Variants in ARSB observed in about 807,000 individuals in gnomAD.
ARSB encodes N-acetylgalactosamine-4-sulfatase.
In ARSB, 41 loss-of-function variants were observed where a neutral mutation model predicts 50.9. The observed-to-expected ratio is 0.81, with a 90% CI of 0.63 to 1.04. The LOEUF is 1.04. Among genes scored for constraint, ARSB ranks in the 50% least tolerant of loss-of-function variants. ARSB has a pLI of 0.00. For missense variants in ARSB, 672 were observed against 693.3 expected (o/e 0.97, Z 0.35); for synonymous variants, 269 against 284.8 (o/e 0.94, Z 0.56).
chr5:78,785,761 G>A (rs1242093672), intron 6 of ARSB, among the ~76,000 whole-genome samples: 1 of 152,122 alleles, frequency 6.6e-6, no homozygotes, highest in Non-Finnish European at 1.5e-5. Context: ...ATGCCATAAG[G>A]GACTCTGCAG....
chr5:78,922,816 G>T (rs183536197), intron 4 of ARSB, among the ~76,000 whole-genome samples: 2 of 152,016 alleles, frequency 1.3e-5, no homozygotes, highest in African/African-American at 2.4e-5. Context: ...CAGTGACGGG[G>T]TTTCACCATG....
intron 6 of ARSB, among the ~76,000 whole-genome samples, chr5:78,830,256 G>A (rs1378869819): frequency 6.6e-6 from 1 of 152,138 alleles, no homozygotes. Context: ...AACAAACGCT[G>A]ATGTACAAAT....
chr5:78,822,935 C>T (rs545053982), intron 6 of ARSB, among the ~76,000 whole-genome samples: 91 of 152,302 alleles, frequency 6.0e-4, no homozygotes, highest in East Asian at 1.2e-3. Context: ...CACGCCTGGC[C>T]TCTAATCCTG....
Position 78,964,471 on chromosome 5 carries a change from G to A in ARSB, c.635C>T (p.Thr212Ile), listed in dbSNP as rs1554087409. Reference protein sequence around the residue: ...VATGYKNMYSTNIFTKRAIAL... With the variant: ...VATGYKNMYSINIFTKRAIAL... ...TATAGCCCTTTTGGTGAATATGTTT[G>A]TTGAATACATATTTTTATATCCTGT... Residue 212 changes from threonine to isoleucine, a missense_variant, in exon 3 of 8, where the codon ACA becomes ATA. Thr to Ile is a moderately conservative substitution (Grantham distance 89). Coordinates refer to ENST00000264914, the MANE Select transcript of ARSB (RefSeq NM_000046.5). 1 of 1,613,992 alleles carries A rather than the reference G, an allele frequency of 6.2e-7. No homozygotes were observed. Among genetic ancestry groups the A allele is most frequent in the Non-Finnish European group, 8.5e-7 (1 of 1,179,884 alleles).
intron 6 of ARSB, among the ~76,000 whole-genome samples, chr5:78,806,816 C>T (rs7713152): frequency 0.25 from 38,172 of 151,898 alleles, 6,874 homozygotes; most frequent in African/African-American, 0.51. Context: ...GTCACACCAC[C>T]GGAATGTGCC....
intron 5 of ARSB, among the ~76,000 whole-genome samples, chr5:78,842,804 T>C (rs989578945): frequency 6.7e-6 from 1 of 148,666 alleles, no homozygotes; most frequent in African/African-American, 2.4e-5. Flanking sequence ...AGAGAAAACG[T>C]TTTCCATTGT....
chr5:78,924,689 A>G (rs1239903312), intron 4 of ARSB, among the ~76,000 whole-genome samples: 1 of 152,202 alleles, frequency 6.6e-6, no homozygotes, highest in Non-Finnish European at 1.5e-5. Context: ...GTATTCTTTG[A>G]GTTACGATTA....
chr5:78,858,762 C>T (rs1054835430), intron 5 of ARSB, among the ~76,000 whole-genome samples: 2 of 152,104 alleles, frequency 1.3e-5, no homozygotes, highest in South Asian at 2.1e-4. Flanking sequence ...GGGTAATGTC[C>T]GACCTGTTAA....
intron 4 of ARSB, among the ~76,000 whole-genome samples, chr5:78,937,902 C>T (rs922761300): frequency 2.0e-5 from 3 of 152,118 alleles, no homozygotes; most frequent in African/African-American, 7.2e-5. Flanking sequence ...GAGGATGATT[C>T]CATTTCCAGG....
intron 5 of ARSB, among the ~76,000 whole-genome samples, chr5:78,873,417 A>G (rs1443683463): frequency 6.6e-6 from 1 of 151,966 alleles, no homozygotes; most frequent in Non-Finnish European, 1.5e-5. Flanking sequence ...AAATTTATGT[A>G]AAGAAGATTC....
At chr5:78,857,196 CT>C (rs1746192059) in intron 5 of ARSB, among the ~76,000 whole-genome samples, 1 of 152,144 alleles carries the variant, frequency 6.6e-6, no homozygotes, top group African/African-American at 2.4e-5. Flanking sequence ...CAAGTGCTCC[CT>C]TTATGAAACA....
intron 3 of ARSB, among the ~76,000 whole-genome samples, chr5:78,963,876 A>C (rs570559971): frequency 6.6e-6 from 1 of 152,314 alleles, no homozygotes; most frequent in African/African-American, 2.4e-5. Context: ...TTCTAAAATT[A>C]ACATGGAAAT....
chr5:78,787,891 C>T (rs1191303254), intron 6 of ARSB, among the ~76,000 whole-genome samples: 1 of 152,138 alleles, frequency 6.6e-6, no homozygotes, highest in Non-Finnish European at 1.5e-5. Flanking sequence ...GATTGCTTAA[C>T]CCTAGAAGTG....
intron 5 of ARSB, among the ~76,000 whole-genome samples, chr5:78,856,478 C>T (rs562950707): frequency 3.9e-5 from 6 of 152,274 alleles, no homozygotes; most frequent in East Asian, 1.9e-4. Context: ...GATATTAGTA[C>T]CTTGAACACA....
intron 3 of ARSB, among the ~76,000 whole-genome samples, chr5:78,956,515 G>A (rs1751734665): frequency 2.0e-5 from 3 of 152,036 alleles, no homozygotes; most frequent in Admixed American, 1.3e-4. Context: ...TTTATGATAT[G>A]TAAATTTTGT....
intron 5 of ARSB, among the ~76,000 whole-genome samples, chr5:78,850,228 G>A (rs201411001): frequency 5.7e-5 from 8 of 139,796 alleles, no homozygotes; most frequent in South Asian, 2.3e-4. Context: ...TTTGAGATAC[G>A]TCCCATCAAT....
intron 1 of ARSB, 124 bp from the exon 2 acceptor site, chr5:78,969,316 C>T: frequency 9.6e-7 from 1 of 1,038,200 alleles, no homozygotes; most frequent in Non-Finnish European, 1.5e-6. Context: ...TATTCCTGTA[C>T]TGGCTTGAGG....
chr5:78,948,952 G>T (rs1282104744), intron 4 of ARSB, among the ~76,000 whole-genome samples: 1 of 152,178 alleles, frequency 6.6e-6, no homozygotes, highest in Non-Finnish European at 1.5e-5. Flanking sequence ...CTGTGATAGA[G>T]TCTGAGAAAC....
At chr5:78,872,931 C>G (rs955428982) in intron 5 of ARSB, among the ~76,000 whole-genome samples, 2 of 152,028 alleles carry the variant, frequency 1.3e-5, no homozygotes, top group Non-Finnish European at 2.9e-5. Flanking sequence ...AAATCCCACT[C>G]CTACGGATTG....
Sources: gnomAD v4.1 joint callset for allele counts (sites outside exome capture counted in the v4.1 genomes callset) on GRCh38, gnomAD v4.1.1 for gene constraint, MANE v1.5 for transcripts, NCBI Gene and HGNC (gene_info 2026-07-23, HGNC 2026-07-21) for gene names.